DHX32: variants seen among roughly 807,000 people sequenced by gnomAD.
DHX32 encodes putative pre-mRNA-splicing factor ATP-dependent RNA helicase DHX32.
A neutral mutation model predicts 70.0 loss-of-function variants in DHX32; 51 were observed. The ratio of observed to expected loss-of-function variants is 0.73; its 90% CI spans 0.58 to 0.92. DHX32 has a LOEUF of 0.92. Among genes scored for constraint, DHX32 ranks in the 40% least tolerant of loss-of-function variants. The pLI, the probability that DHX32 is intolerant of heterozygous loss-of-function variation, is 0.00. For synonymous variants in DHX32, 310 were observed against 315.3 expected (o/e 0.98, Z 0.18); for missense variants, 762 against 891.8 (o/e 0.85, Z 1.85).
chr10:125,880,899 G>C lies in DHX32; in HGVS notation c.-75C>G. ...CCTATCAGTAACCCATTGCAAACAGGGCTTAAAAGCCTATTTATACAAACC... is the reference window on the plus strand; with the variant it reads ...CCTATCAGTAACCCATTGCAAACAGCGCTTAAAAGCCTATTTATACAAACC... On this transcript the variant is annotated 5_prime_UTR_variant, in exon 1 of 11. Coordinates refer to ENST00000284690, the MANE Select transcript of DHX32 (RefSeq NM_018180.3). The C allele has an allele frequency of 1.3e-6, 2 of 1,512,922 alleles. No individual in the cohort carries two copies. Among genetic ancestry groups the C allele is most frequent in the Non-Finnish European group, 1.8e-6 (2 of 1,125,558 alleles). 93.7% of individuals were successfully genotyped at this position (1,512,922 alleles called of 1,614,324 possible). A position where few individuals can be genotyped will look rare whatever the true frequency, so the allele number is the denominator to read the frequency against.
intron 6 of DHX32, among the ~76,000 whole-genome samples, chr10:125,845,787 G>A (rs1045542887): frequency 1.3e-5 from 2 of 152,232 alleles, no homozygotes; most frequent in African/African-American, 2.4e-5. Context: ...CTCGGGTAAT[G>A]GCAGTATCCC....
At chr10:125,842,812 C>T in intron 6 of DHX32, 1 of 947,846 alleles carries the variant, frequency 1.1e-6, no homozygotes, top group Non-Finnish European at 1.3e-6. Context: ...AGCTGATTCT[C>T]TCCATCTCTT....
intron 1 of DHX32, among the ~76,000 whole-genome samples, chr10:125,889,245 A>G (rs1944356393): frequency 6.6e-6 from 1 of 152,180 alleles, no homozygotes; most frequent in South Asian, 2.1e-4. Flanking sequence ...TAAAGCCAAG[A>G]TTAATTTCTG....
chr10:125,852,658 C>T lies in DHX32; in HGVS notation c.1093-16G>A, dbSNP rs760379407. 14 of 1,591,028 alleles carry T rather than the reference C, an allele frequency of 8.8e-6. No individual in the cohort carries two copies. In the South Asian group the frequency reaches 1.6e-4, roughly 18 times the overall value. On this transcript the variant is annotated splice_polypyrimidine_tract_variant and intron_variant, in intron 4 of 10. Coordinates refer to ENST00000284690, the MANE Select transcript of DHX32 (RefSeq NM_018180.3). ...GGTTGTACACCTTTAAATGGAAAGACAGCATCATTAGCGTCAGATAAGTCA... is the reference window on the plus strand; with the variant it reads ...GGTTGTACACCTTTAAATGGAAAGATAGCATCATTAGCGTCAGATAAGTCA...
At chr10:125,868,829 G>A (rs193098457) in intron 1 of DHX32, among the ~76,000 whole-genome samples, 20 of 152,184 alleles carry the variant, frequency 1.3e-4, no homozygotes, top group East Asian at 9.7e-4. Flanking sequence ...CTCTGGTGTC[G>A]TTTTCTCCAC....
intron 1 of DHX32, among the ~76,000 whole-genome samples, chr10:125,875,817 T>C (rs1045170315): frequency 5.3e-5 from 8 of 152,230 alleles, no homozygotes; most frequent in African/African-American, 1.9e-4. Context: ...TGGGCCAAGC[T>C]AACTTTTGTA....
At chr10:125,861,059 CAT>C (rs1187007875) in intron 2 of DHX32, among the ~76,000 whole-genome samples, 3 of 152,016 alleles carry the variant, frequency 2.0e-5, no homozygotes, top group South Asian at 2.1e-4. Flanking sequence ...GCCCCAATCC[CAT>C]ATGTTTTTTA....
intron 9 of DHX32, among the ~76,000 whole-genome samples, chr10:125,838,648 C>T (rs962714996): frequency 5.9e-5 from 9 of 152,074 alleles, no homozygotes; most frequent in Admixed American, 5.2e-4. Context: ...ATGTTTTGGC[C>T]ATGAGATGAA....
intron 10 of DHX32, 128 bp downstream of exon 10, chr10:125,838,078 C>CT (rs1372936985): frequency 1.2e-6 from 1 of 831,304 alleles, no homozygotes; most frequent in African/African-American, 1.7e-5. Context: ...TTAGTAGGTA[C>CT]TGTCAACGTA....
chr10:125,873,933 T>G (rs1439440438), intron 1 of DHX32, among the ~76,000 whole-genome samples: 1 of 152,260 alleles, frequency 6.6e-6, no homozygotes, highest in Admixed American at 6.5e-5. Flanking sequence ...TTCTTTTTCA[T>G]ATCTTTTCAT....
At chr10:125,857,120 C>G (rs1214364616) in intron 3 of DHX32, among the ~76,000 whole-genome samples, 1 of 152,196 alleles carries the variant, frequency 6.6e-6, no homozygotes, top group Non-Finnish European at 1.5e-5. Flanking sequence ...GCTGTTAGCA[C>G]TGATTTCGGT....
chr10:125,842,229 G>C, intron 6 of DHX32: 1 of 343,310 alleles, frequency 2.9e-6, no homozygotes, highest in South Asian at 3.8e-5. Context: ...GGAAAACAAT[G>C]CCAGGGATCC....
intron 1 of DHX32, among the ~76,000 whole-genome samples, chr10:125,878,363 C>A (rs915041679): frequency 8.5e-5 from 13 of 152,234 alleles, no homozygotes; most frequent in African/African-American, 3.1e-4. Context: ...CATCGACTTA[C>A]ATCTTCATAA....
intron 1 of DHX32, among the ~76,000 whole-genome samples, chr10:125,879,581 A>C (rs1944305229): frequency 6.6e-6 from 1 of 152,214 alleles, no homozygotes; most frequent in Non-Finnish European, 1.5e-5. Context: ...AATGGGGCTC[A>C]CTAACCTCCA....
chr10:125,891,685 G>A (rs1407586097), intron 1 of DHX32, among the ~76,000 whole-genome samples: 1,988 of 151,090 alleles, frequency 0.013, no homozygotes, highest in Non-Finnish European at 0.022. Flanking sequence ...AATAATAGAT[G>A]AACTGTGTTG....
intron 3 of DHX32, among the ~76,000 whole-genome samples, chr10:125,859,057 T>G (rs2366048): frequency 0.036 from 5,503 of 151,642 alleles, 155 homozygotes; most frequent in Middle Eastern, 0.068. Context: ...TTTTTTTTTT[T>G]TTTTTTAATC....
rs565702802 is a variant in DHX32 at position 125,860,012 on chromosome 10, TGCTAAC to T, written c.477-43_477-38del. 60 of 1,476,296 alleles carry T rather than the reference TGCTAAC, an allele frequency of 4.1e-5. No homozygotes were observed. The African/African-American group carries it at 8.2e-4, about 20-fold the overall frequency. The allele number at this position is 1,476,296 out of a possible 1,614,324, so 91.4% of individuals were successfully genotyped here. The stretch of plus-strand genomic sequence containing the variant: ...AAACATTAAAGTTAGAATATTCTTA[TGCTAAC>T]TCATGCAAAAAACTTCCTAACAAGA... On this transcript the variant is annotated intron_variant, in intron 2 of 10. Transcript: ENST00000284690.
At chr10:125,842,221 A>G (rs1423428757) in intron 6 of DHX32, 3 of 359,990 alleles carry the variant, frequency 8.3e-6, no homozygotes, top group Non-Finnish European at 1.5e-5. Flanking sequence ...CTGCAGTAGG[A>G]AAACAATGCC....
chr10:125,887,040 A>G (rs1324429698), intron 1 of DHX32, among the ~76,000 whole-genome samples: 2 of 152,240 alleles, frequency 1.3e-5, no homozygotes, highest in African/African-American at 4.8e-5. Flanking sequence ...ACTAATTAAT[A>G]ATTACGGGCT....
Sources: allele counts gnomAD v4.1 joint callset (sites outside exome capture counted in the v4.1 genomes callset), GRCh38; gene constraint gnomAD v4.1.1; transcripts MANE v1.5; gene names NCBI Gene and HGNC (gene_info 2026-07-23, HGNC 2026-07-21).